COL19A1: variants seen among roughly 807,000 people sequenced by gnomAD.
COL19A1 encodes the protein collagen type XIX alpha 1 chain.
A neutral mutation model predicts 190.2 loss-of-function variants in COL19A1; 159 were observed. That is an observed-to-expected ratio of 0.84 (90% CI 0.73 to 0.95). The LOEUF is 0.95. Among genes scored for constraint, COL19A1 ranks in the 40% least tolerant of loss-of-function variants. The pLI is 0.00. For missense variants in COL19A1, 1,418 were observed against 1,431.9 expected (o/e 0.99, Z 0.16); for synonymous variants, 509 against 458.9 (o/e 1.11, Z -1.39).
At chr6:70,116,709 T>C (rs143454472) in intron 16 of COL19A1, among the ~76,000 whole-genome samples, 512 of 152,314 alleles carry the variant, frequency 3.4e-3, no homozygotes, top group Non-Finnish European at 5.3e-3. Flanking sequence ...TTACAAGCCA[T>C]TAGAACACTG....
At chr6:70,090,219 G>A (rs898279780) in intron 15 of COL19A1, among the ~76,000 whole-genome samples, 1 of 151,932 alleles carries the variant, frequency 6.6e-6, no homozygotes, top group Non-Finnish European at 1.5e-5. Flanking sequence ...AAATGGAAAT[G>A]TTATACGGTC....
chr6:70,018,328 A>G (rs1219406413), intron 11 of COL19A1, among the ~76,000 whole-genome samples: 9 of 152,258 alleles, frequency 5.9e-5, no homozygotes, highest in African/African-American at 1.9e-4. Flanking sequence ...AGCAGAAGTC[A>G]TAATACCAAG....
At chr6:70,177,852 G>A (rs773769129) in intron 42 of COL19A1, among the ~76,000 whole-genome samples, 88 of 152,112 alleles carry the variant, frequency 5.8e-4, no homozygotes, top group Non-Finnish European at 1.0e-3. Flanking sequence ...ACCCAGGTGT[G>A]TCTACAAATT....
At chr6:69,954,765 G>T (rs1276134684) in intron 9 of COL19A1, among the ~76,000 whole-genome samples, 1 of 151,880 alleles carries the variant, frequency 6.6e-6, no homozygotes, top group African/African-American at 2.4e-5. Flanking sequence ...ACATTGTTAG[G>T]GTGTGTTCCT....
intron 9 of COL19A1, among the ~76,000 whole-genome samples, chr6:69,940,020 C>G (rs372935966): frequency 5.9e-5 from 9 of 151,756 alleles, no homozygotes; most frequent in African/African-American, 2.2e-4. Flanking sequence ...TTTAAGATTG[C>G]TGGCACAGGA....
At chr6:70,162,257 G>C (rs1407297253) in intron 35 of COL19A1, among the ~76,000 whole-genome samples, 1 of 151,780 alleles carries the variant, frequency 6.6e-6, no homozygotes, top group Non-Finnish European at 1.5e-5. Context: ...TAATTTTTTG[G>C]CACTAACCTT....
At chr6:70,020,904 G>A (rs905702127) in intron 11 of COL19A1, among the ~76,000 whole-genome samples, 6 of 152,038 alleles carry the variant, frequency 3.9e-5, no homozygotes, top group African/African-American at 1.4e-4. Flanking sequence ...CCATTTTTCT[G>A]CCAGTTACAT....
At chr6:70,031,167 C>T (rs1352556799) in intron 12 of COL19A1, among the ~76,000 whole-genome samples, 1 of 152,042 alleles carries the variant, frequency 6.6e-6, no homozygotes, top group African/African-American at 2.4e-5. Flanking sequence ...CATGACACTC[C>T]TTTTATCTTA....
chr6:69,867,539 G>A (rs1767546242), intron 1 of COL19A1: 1 of 152,292 alleles, frequency 6.6e-6, no homozygotes, highest in Non-Finnish European at 1.5e-5. Context: ...GGCGGCGCCG[G>A]GCGGCCCAGC....
chr6:69,976,085 T>C (rs556924749), intron 11 of COL19A1, among the ~76,000 whole-genome samples: 4 of 152,346 alleles, frequency 2.6e-5, no homozygotes, highest in Admixed American at 2.0e-4. Context: ...GGAATCAGTA[T>C]GAAACTTACT....
At chr6:70,153,380 A>G (rs1471718007) in intron 31 of COL19A1, among the ~76,000 whole-genome samples, 1 of 152,174 alleles carries the variant, frequency 6.6e-6, no homozygotes, top group East Asian at 1.9e-4. Flanking sequence ...ATTAATCAGC[A>G]TATCAATCCC....
intron 9 of COL19A1, among the ~76,000 whole-genome samples, chr6:69,939,723 C>A (rs111296907): frequency 6.6e-6 from 1 of 152,006 alleles, no homozygotes; most frequent in Non-Finnish European, 1.5e-5. Flanking sequence ...CCCAAGGTAA[C>A]ACAATTAAGA....
At position 70,161,948 on chromosome 6, in the gene COL19A1, C is replaced by T. The variant is rs1185052870; in HGVS notation, c.2341C>T (p.Pro781Ser). The T allele has an allele frequency of 2.5e-6, 4 of 1,602,502 alleles. No individual in the cohort carries two copies. The highest frequency in any genetic ancestry group is 1.7e-5 in the Admixed American group (1 of 57,846). Reference sequence around the variant, plus strand: ...TCCAGGTGCTCCAGGCCCGACTGGACCCCCTGTAAGTATTTGTTAAAACGA... The same window carrying T: ...TCCAGGTGCTCCAGGCCCGACTGGATCCCCTGTAAGTATTTGTTAAAACGA... ...GIPGAPGPTGPPGLMGRTGHP... is the reference protein window; with the variant it reads ...GIPGAPGPTGSPGLMGRTGHP... The change falls in exon 35 of 51, where the codon CCC (proline) becomes TCC (serine). Residue 781 changes from proline to serine, a missense_variant. By Grantham distance (74) the Pro-to-Ser change is moderately conservative (BLOSUM62 -1). Coordinates refer to ENST00000620364, the MANE Select transcript of COL19A1 (RefSeq NM_001858.6).
intron 17 of COL19A1, among the ~76,000 whole-genome samples, chr6:70,126,818 C>G (rs938795302): frequency 1.3e-5 from 2 of 152,228 alleles, no homozygotes; most frequent in East Asian, 3.8e-4. Context: ...TCTTCCAGGT[C>G]TCTCTCCTAG....
intron 1 of COL19A1, among the ~76,000 whole-genome samples, chr6:69,872,879 C>T (rs1767922191): frequency 6.6e-6 from 1 of 152,142 alleles, no homozygotes; most frequent in Admixed American, 6.5e-5. Flanking sequence ...TGGCCAGAAT[C>T]TTGATAGAAA....
At chr6:70,092,724 A>G (rs967585485) in intron 15 of COL19A1, among the ~76,000 whole-genome samples, 2 of 152,180 alleles carry the variant, frequency 1.3e-5, no homozygotes, top group Non-Finnish European at 2.9e-5. Context: ...ATTTTGTACT[A>G]GTCAATTCAA....
intron 15 of COL19A1, among the ~76,000 whole-genome samples, chr6:70,085,758 A>G (rs1156991328): frequency 3.3e-5 from 5 of 152,104 alleles, no homozygotes; most frequent in Non-Finnish European, 7.4e-5. Context: ...CTCTTATTTC[A>G]AAGCTCTAAG....
rs772584379 is a variant in COL19A1 at position 70,149,975 on chromosome 6, G to A, written c.1984-17G>A. The A allele has an allele frequency of 6.2e-6, 10 of 1,613,706 alleles. No individual in the cohort carries two copies. Among genetic ancestry groups the A allele is most frequent in the East Asian group, 2.2e-5 (1 of 44,858 alleles). On this transcript the variant is annotated splice_polypyrimidine_tract_variant and intron_variant, in intron 29 of 50. Transcript: ENST00000620364. Reference sequence around the variant, plus strand: ...GTGCCACGTGCAAAGATTGAACATGGATACCTCTGTTTTCAGGGAGTTCCA... The same window carrying A: ...GTGCCACGTGCAAAGATTGAACATGAATACCTCTGTTTTCAGGGAGTTCCA...
At chr6:70,126,989 A>G (rs905050054) in intron 17 of COL19A1, among the ~76,000 whole-genome samples, 14 of 152,346 alleles carry the variant, frequency 9.2e-5, no homozygotes, top group African/African-American at 3.4e-4. Context: ...GAAAAACCAC[A>G]TGATTAGAGA....
Sources: gnomAD v4.1 joint callset for allele counts (sites outside exome capture counted in the v4.1 genomes callset) on GRCh38, gnomAD v4.1.1 for gene constraint, MANE v1.5 for transcripts, NCBI Gene and HGNC (gene_info 2026-07-23, HGNC 2026-07-21) for gene names.